Variants in KLHL1 observed in about 807,000 individuals in gnomAD.
KLHL1 encodes the protein kelch-like protein 1.
A neutral mutation model predicts 77.7 loss-of-function variants in KLHL1; 47 were observed. The ratio of observed to expected loss-of-function variants is 0.60; its 90% CI spans 0.48 to 0.77. The LOEUF (loss-of-function observed/expected upper bound fraction) is 0.77, where lower values mean the gene tolerates loss of function less well. KLHL1 is among the 30% of genes least tolerant of loss of function. KLHL1 has a pLI of 0.00. For synonymous variants in KLHL1, 360 were observed against 325.2 expected (o/e 1.11, Z -1.15); for missense variants, 925 against 910.8 (o/e 1.02, Z -0.20).
At chr13:69,978,039 A>G (rs1313403982) in intron 1 of KLHL1, among the ~76,000 whole-genome samples, 1 of 152,108 alleles carries the variant, frequency 6.6e-6, no homozygotes, top group Non-Finnish European at 1.5e-5. Context: ...ATTTTGCTGT[A>G]CCATATGTTT....
intron 4 of KLHL1, among the ~76,000 whole-genome samples, chr13:69,933,059 T>C (rs549117805): frequency 1.3e-5 from 2 of 152,034 alleles, no homozygotes; most frequent in Non-Finnish European, 2.9e-5. Flanking sequence ...TTAGTTCTTT[T>C]CAACATTAAA....
intron 4 of KLHL1, among the ~76,000 whole-genome samples, chr13:69,913,033 C>T (rs545383412): frequency 9.2e-5 from 14 of 152,164 alleles, no homozygotes; most frequent in South Asian, 2.1e-4. Flanking sequence ...CTGACATCAC[C>T]ATCTAGTCCC....
intron 7 of KLHL1, among the ~76,000 whole-genome samples, chr13:69,768,348 G>C (rs949789162): frequency 1.3e-5 from 2 of 152,060 alleles, no homozygotes; most frequent in South Asian, 2.1e-4. Flanking sequence ...ATTACACAAA[G>C]CTTCTACAGC....
chr13:70,035,264 G>A (rs891022944), intron 1 of KLHL1, among the ~76,000 whole-genome samples: 14 of 152,062 alleles, frequency 9.2e-5, no homozygotes, highest in Non-Finnish European at 2.1e-4. Context: ...TAAAAAATGA[G>A]ATCTTGTCAT....
chr13:70,016,746 G>A (rs1425696274), intron 1 of KLHL1, among the ~76,000 whole-genome samples: 5 of 152,288 alleles, frequency 3.3e-5, no homozygotes, highest in Admixed American at 3.3e-4. Context: ...ACAAAAAGGG[G>A]CGGGTCCCAG....
intron 7 of KLHL1, among the ~76,000 whole-genome samples, chr13:69,767,841 A>G (rs1407884317): frequency 6.6e-6 from 1 of 152,156 alleles, no homozygotes; most frequent in African/African-American, 2.4e-5. Flanking sequence ...CTAGTGGCAT[A>G]GACTACTGCT....
intron 5 of KLHL1, among the ~76,000 whole-genome samples, chr13:69,855,626 A>T (rs35032606): frequency 0.16 from 24,393 of 151,334 alleles, 2,488 homozygotes; most frequent in African/African-American, 0.28. Context: ...TCTCCCTGCT[A>T]CACTCAGCAA....
At chr13:69,873,458 A>G (rs1880655863) in intron 5 of KLHL1, among the ~76,000 whole-genome samples, 1 of 152,138 alleles carries the variant, frequency 6.6e-6, no homozygotes, top group Non-Finnish European at 1.5e-5. Context: ...GACAAGATGG[A>G]TATTATGTTT....
In KLHL1 at chr13:69,733,230, TAA is replaced by T. The variant is rs148855155; in HGVS notation, c.1802+7162_1802+7163del. ...GGGTTATACAAACACATATGAAAGA[TAA>T]AAAAAAAATCACTGAACTTACATAT... On this transcript the variant is annotated intron_variant, in intron 8 of 10. Coordinates refer to ENST00000377844, the MANE Select transcript of KLHL1 (RefSeq NM_020866.3). 1.0e-2 allele frequency among the ~76,000 whole-genome samples: 1,486 copies of T among 148,664 alleles called. 18 individuals carry two copies. The highest frequency in any genetic ancestry group is 0.035 in the African/African-American group (1,417 of 40,800).
intron 5 of KLHL1, among the ~76,000 whole-genome samples, chr13:69,847,477 A>T (rs1454621597): frequency 6.6e-6 from 1 of 151,328 alleles, no homozygotes; most frequent in Non-Finnish European, 1.5e-5. Context: ...CAGCAATCAC[A>T]TCTATACCTT....
intron 1 of KLHL1, among the ~76,000 whole-genome samples, chr13:70,045,935 G>C (rs923311743): frequency 6.6e-6 from 1 of 152,082 alleles, no homozygotes; most frequent in East Asian, 1.9e-4. Context: ...CCTCATCCTG[G>C]TAAAGGTTTC....
chr13:69,823,619 C>T (rs759041192), intron 6 of KLHL1, among the ~76,000 whole-genome samples: 1 of 151,778 alleles, frequency 6.6e-6, no homozygotes, highest in African/African-American at 2.4e-5. Context: ...GTTTATGATA[C>T]AAAATAAAAT....
intron 8 of KLHL1, among the ~76,000 whole-genome samples, chr13:69,733,860 G>A (rs139166476): frequency 7.9e-4 from 120 of 152,272 alleles, no homozygotes; most frequent in Non-Finnish European, 1.4e-3. Flanking sequence ...CAGCTAAAAT[G>A]TGTATGTACA....
chr13:69,773,882 T>A (rs375337735), intron 7 of KLHL1, among the ~76,000 whole-genome samples: 1 of 146,916 alleles, frequency 6.8e-6, no homozygotes, highest in South Asian at 2.2e-4. Context: ...TATATATATA[T>A]ACATAGAATA....
At chr13:69,937,655 C>T (rs534839947) in intron 4 of KLHL1, among the ~76,000 whole-genome samples, 1 of 152,224 alleles carries the variant, frequency 6.6e-6, no homozygotes, top group East Asian at 1.9e-4. Context: ...CTACCTGATG[C>T]TGAGCTCGCA....
intron 10 of KLHL1, among the ~76,000 whole-genome samples, chr13:69,707,038 T>C (rs992374869): frequency 3.9e-5 from 6 of 152,114 alleles, no homozygotes; most frequent in African/African-American, 1.4e-4. Context: ...ACAAAATGAT[T>C]GACAAGGAGT....
At chr13:70,076,049 C>T (rs7999396) in intron 1 of KLHL1, among the ~76,000 whole-genome samples, 1,672 of 151,488 alleles carry the variant, frequency 0.011, 35 homozygotes, top group African/African-American at 0.036. Flanking sequence ...TGTTAAGATG[C>T]GAGTTCTCCC....
chr13:70,039,848 C>T (rs1886331619), intron 1 of KLHL1, among the ~76,000 whole-genome samples: 1 of 151,888 alleles, frequency 6.6e-6, no homozygotes, highest in Non-Finnish European at 1.5e-5. Context: ...ACCATATGGG[C>T]CAGGCTGGTC....
At chr13:69,840,785 A>AC (rs1879226878) in intron 5 of KLHL1, among the ~76,000 whole-genome samples, 2 of 144,788 alleles carry the variant, frequency 1.4e-5, no homozygotes, top group African/African-American at 5.0e-5. Context: ...TTTTTAGTAA[A>AC]TTTTTTTTTT....
Sources: allele counts gnomAD v4.1 joint callset (sites outside exome capture counted in the v4.1 genomes callset), GRCh38; gene constraint gnomAD v4.1.1; transcripts MANE v1.5; gene names NCBI Gene and HGNC (gene_info 2026-07-23, HGNC 2026-07-21).